The following ADAM23 variants were observed in gnomAD, a reference collection of about 807,000 sequenced individuals.
ADAM23 encodes ADAM metallopeptidase domain 23, also known as disintegrin and metalloproteinase domain-containing protein 23.
In ADAM23, 33 loss-of-function variants were observed where a neutral mutation model predicts 120.1. The ratio of observed to expected loss-of-function variants is 0.27; its 90% confidence interval spans 0.21 to 0.37. ADAM23 has a LOEUF of 0.37. ADAM23 is among the 10% of genes least tolerant of loss of function. The probability of loss-of-function intolerance (pLI) is 1.00; values close to 1 mark genes in which losing one functional copy is unlikely to be tolerated. For missense variants in ADAM23, 862 were observed against 1,058.2 expected (o/e 0.81, Z 2.57); for synonymous variants, 367 against 375.2 (o/e 0.98, Z 0.25).
At chr2:206,589,564 T>G in intron 21 of ADAM23, 50 bp downstream of exon 21, 2 of 1,470,220 alleles carry the variant, frequency 1.4e-6, no homozygotes, top group Non-Finnish European at 1.9e-6. Flanking sequence ...AAGCCCTTCT[T>G]ATGCAAGTGC....
intron 9 of ADAM23, among the ~76,000 whole-genome samples, chr2:206,556,952 A>G (rs1559262853): frequency 6.6e-6 from 1 of 152,216 alleles, no homozygotes; most frequent in African/African-American, 2.4e-5. Flanking sequence ...AAGCTACAAA[A>G]TGTCATTTCA....
intron 3 of ADAM23, among the ~76,000 whole-genome samples, chr2:206,522,378 A>G (rs1360503121): frequency 6.6e-6 from 1 of 151,918 alleles, no homozygotes; most frequent in African/African-American, 2.4e-5. Flanking sequence ...TTTCTTTTTT[A>G]TTCTTTTGGC....
Position 206,617,566 on chromosome 2 carries a change from C to T in ADAM23, c.2451-13C>T, listed in dbSNP as rs760072210. The T allele has an allele frequency of 2.5e-6, 4 of 1,597,608 alleles. No homozygotes were observed. Among genetic ancestry groups the T allele is most frequent in the Non-Finnish European group, 8.5e-7 (1 of 1,171,108 alleles). ...CCCCTCTGCTTGCATCTTCTTTTGA[C>T]TCACTCTGGAAGAAATGTCAAGAAG... is the stretch of plus-strand genomic sequence containing the variant. On this transcript the variant is annotated splice_polypyrimidine_tract_variant and intron_variant, in intron 25 of 25. Transcript: ENST00000264377.
intron 2 of ADAM23, among the ~76,000 whole-genome samples, chr2:206,470,089 C>G (rs1266710626): frequency 6.6e-6 from 1 of 152,186 alleles, no homozygotes; most frequent in East Asian, 1.9e-4. Context: ...AACACACACC[C>G]TAAAATGTAA....
At chr2:206,571,348 G>A (rs1002649805) in intron 16 of ADAM23, among the ~76,000 whole-genome samples, 10 of 152,222 alleles carry the variant, frequency 6.6e-5, no homozygotes, top group East Asian at 3.9e-4. Flanking sequence ...GGTGGCGGGC[G>A]CCTGTAGTCC....
At chr2:206,482,658 G>A (rs964678866) in intron 3 of ADAM23, among the ~76,000 whole-genome samples, 1 of 152,220 alleles carries the variant, frequency 6.6e-6, no homozygotes, top group African/African-American at 2.4e-5. Flanking sequence ...ATCAGGTTGA[G>A]CACCTATTAT....
At position 206,460,700 on chromosome 2, in the gene ADAM23, C is replaced by T. The variant is rs185161656; in HGVS notation, c.432+15176C>T. Among the ~76,000 whole-genome samples, 7 of 152,222 alleles carry T rather than the reference C, an allele frequency of 4.6e-5. No individual in the cohort carries two copies. The East Asian group carries it at 1.4e-3, about 29-fold the overall frequency. On this transcript the variant is annotated intron_variant, in intron 2 of 25. Transcript: ENST00000264377. ...CCATTCTATGGGTTGGCTTTTCATTCTGTGGATAGAGTCCTTTGATGCACA... is the reference window on the plus strand; with the variant it reads ...CCATTCTATGGGTTGGCTTTTCATTTTGTGGATAGAGTCCTTTGATGCACA...
intron 24 of ADAM23, chr2:206,609,650 C>T (rs1259400472): frequency 1.0e-5 from 4 of 398,740 alleles, no homozygotes; most frequent in Non-Finnish European, 1.8e-5. Flanking sequence ...GGCCTATTTG[C>T]TTCAAATTCT....
chr2:206,454,210 G>C (rs1695249867), intron 2 of ADAM23, among the ~76,000 whole-genome samples: 1 of 152,126 alleles, frequency 6.6e-6, no homozygotes, highest in South Asian at 2.1e-4. Context: ...AGCATGGCTA[G>C]GAGGTCTCAG....
At chr2:206,554,376 C>A (rs1697596910) in intron 9 of ADAM23, among the ~76,000 whole-genome samples, 1 of 152,076 alleles carries the variant, frequency 6.6e-6, no homozygotes, top group African/African-American at 2.4e-5. Flanking sequence ...TATTAAAAAT[C>A]TTATTCTAAT....
At chr2:206,494,833 G>A (rs555936914) in intron 3 of ADAM23, among the ~76,000 whole-genome samples, 4 of 152,214 alleles carry the variant, frequency 2.6e-5, no homozygotes, top group East Asian at 1.9e-4. Flanking sequence ...ACCATGGCAC[G>A]AGAACTATGT....
chr2:206,503,696 A>G (rs764715180), intron 3 of ADAM23, among the ~76,000 whole-genome samples: 1 of 152,160 alleles, frequency 6.6e-6, no homozygotes, highest in African/African-American at 2.4e-5. Flanking sequence ...TATACTTTCT[A>G]TTACATGACC....
chr2:206,511,333 GCTA>G (rs1049985513), intron 3 of ADAM23, among the ~76,000 whole-genome samples: 2 of 152,082 alleles, frequency 1.3e-5, no homozygotes, highest in Non-Finnish European at 2.9e-5. Flanking sequence ...CCTGCGGTTT[GCTA>G]CTTTCCTTCT....
chr2:206,468,893 G>A (rs1204352153), intron 2 of ADAM23, among the ~76,000 whole-genome samples: 1 of 152,170 alleles, frequency 6.6e-6, no homozygotes, highest in Non-Finnish European at 1.5e-5. Flanking sequence ...TTTTACCCGT[G>A]GTGGAAAGCA....
At position 206,573,469 on chromosome 2, in the gene ADAM23, C is replaced by T. The variant is rs74269264; in HGVS notation, c.1737+274C>T. Among the ~76,000 whole-genome samples the T allele has an allele frequency of 3.5e-4, 53 of 152,042 alleles. No individual in the cohort carries two copies. In the East Asian group the frequency reaches 9.8e-3, roughly 28 times the overall value. On this transcript the variant is annotated intron_variant, in intron 18 of 25. Transcript: ENST00000264377. ...TAAACAAAGTTTCTGTACATTGAAC[C>T]ATTGAACCCTCAGAAAGCAAAGATA...
intron 13 of ADAM23, 121 bp downstream of exon 13, chr2:206,562,414 T>C (rs987385065): frequency 4.5e-6 from 3 of 666,188 alleles, no homozygotes; most frequent in Middle Eastern, 2.7e-4. Context: ...TATATCTCCT[T>C]CCTCTAAAAT....
At position 206,589,323 on chromosome 2, in the gene ADAM23, G is replaced by T. The variant is rs780249965; in HGVS notation, c.1853-86G>T. The T allele has an allele frequency of 2.7e-4, 272 of 1,022,128 alleles. 1 individual carries two copies. In the Middle Eastern group the frequency reaches 2.8e-3, roughly 11 times the overall value. 63.3% of individuals were successfully genotyped at this position (1,022,128 alleles called of 1,614,324 possible). On this transcript the variant is annotated intron_variant, in intron 20 of 25. Coordinates refer to ENST00000264377, the MANE Select transcript of ADAM23 (RefSeq NM_003812.4). ...TCTTTTTCCTTGCTCTGGAGAATCG[G>T]GTGTTAAACACTTACTGGCACACTA...
At chr2:206,480,338 T>C (rs1695870949) in intron 2 of ADAM23, among the ~76,000 whole-genome samples, 1 of 152,106 alleles carries the variant, frequency 6.6e-6, no homozygotes, top group Admixed American at 6.6e-5. Flanking sequence ...GGTGTCCAGT[T>C]ACCATGCATG....
At chr2:206,614,270 C>T (rs774717684) in intron 25 of ADAM23, among the ~76,000 whole-genome samples, 3 of 152,224 alleles carry the variant, frequency 2.0e-5, no homozygotes, top group Admixed American at 2.0e-4. Context: ...GAGATTCTGT[C>T]TGGCCTACGT....
Sources: gnomAD v4.1 joint callset for allele counts (sites outside exome capture counted in the v4.1 genomes callset) on GRCh38, gnomAD v4.1.1 for gene constraint, MANE v1.5 for transcripts, NCBI Gene and HGNC (gene_info 2026-07-23, HGNC 2026-07-21) for gene names.